The following B4GALT1 variants were observed in gnomAD, a reference collection of about 807,000 sequenced individuals.
The protein encoded by B4GALT1 is beta-1,4-galactosyltransferase 1.
A neutral mutation model predicts 34.9 loss-of-function variants in B4GALT1; 16 were observed. The ratio of observed to expected loss-of-function variants is 0.46; its 90% CI spans 0.31 to 0.70. The LOEUF (loss-of-function observed/expected upper bound fraction) is 0.70. Ranked by LOEUF, B4GALT1 falls within the 30% of genes least tolerant of loss-of-function variation. B4GALT1 has a pLI of 0.05. For synonymous variants in B4GALT1, 221 were observed against 218.1 expected (o/e 1.01, Z -0.12); for missense variants, 445 against 530.5 (o/e 0.84, Z 1.58).
chr9:33,121,112 C>T (rs949975603), intron 2 of B4GALT1, among the ~76,000 whole-genome samples: 1 of 152,206 alleles, frequency 6.6e-6, no homozygotes, highest in East Asian at 1.9e-4. Context: ...ATATGGTTGA[C>T]TGAGGTTTGA....
At chr9:33,149,931 A>G (rs1199863596) in intron 1 of B4GALT1, among the ~76,000 whole-genome samples, 1 of 152,166 alleles carries the variant, frequency 6.6e-6, no homozygotes, top group East Asian at 1.9e-4. Context: ...ACTGAATACA[A>G]CACATGGTTT....
chr9:33,141,215 G>A (rs1840344328), intron 1 of B4GALT1, among the ~76,000 whole-genome samples: 2 of 152,066 alleles, frequency 1.3e-5, no homozygotes, highest in African/African-American at 2.4e-5. Context: ...TAAAGAAGAG[G>A]TCTTTGAGGC....
chr9:33,123,880 G>A (rs547892209), intron 2 of B4GALT1, among the ~76,000 whole-genome samples: 12 of 152,276 alleles, frequency 7.9e-5, no homozygotes, highest in South Asian at 2.1e-4. Context: ...CCCTTTCAAC[G>A]TGGTGAGATG....
At chr9:33,126,787 A>G (rs1218520962) in intron 2 of B4GALT1, among the ~76,000 whole-genome samples, 1 of 152,154 alleles carries the variant, frequency 6.6e-6, no homozygotes, top group Non-Finnish European at 1.5e-5. Context: ...TTGGTCAACC[A>G]AAGACACCAC....
chr9:33,152,678 AG>A (rs1319734510), intron 1 of B4GALT1, among the ~76,000 whole-genome samples: 1 of 152,122 alleles, frequency 6.6e-6, no homozygotes, highest in Non-Finnish European at 1.5e-5. Flanking sequence ...GTTTGAAACC[AG>A]CCTGGCCAAC....
chr9:33,115,957 C>G (rs902287808), intron 4 of B4GALT1, 34 bp downstream of exon 4: 1 of 1,601,236 alleles, frequency 6.2e-7, no homozygotes, highest in African/African-American at 1.3e-5. Flanking sequence ...TGAAGGTTGA[C>G]AGAGGAGAAA....
At chr9:33,124,202 G>C (rs1281648359) in intron 2 of B4GALT1, among the ~76,000 whole-genome samples, 7 of 152,134 alleles carry the variant, frequency 4.6e-5, no homozygotes, top group Admixed American at 4.6e-4. Context: ...ACAGGCCCTG[G>C]CAAGCTCACC....
chr9:33,159,156 G>T (rs573166810), intron 1 of B4GALT1, among the ~76,000 whole-genome samples: 1 of 152,014 alleles, frequency 6.6e-6, no homozygotes, highest in Non-Finnish European at 1.5e-5. Context: ...CAAGCTGGCA[G>T]TGTCCTGCAA....
chr9:33,165,655 T>A (rs1840740131), intron 1 of B4GALT1, among the ~76,000 whole-genome samples: 1 of 152,182 alleles, frequency 6.6e-6, no homozygotes, highest in South Asian at 2.1e-4. Flanking sequence ...ATTGGCAGGA[T>A]GTCATCCTGC....
At chr9:33,133,417 G>T (rs1280137702) in intron 2 of B4GALT1, among the ~76,000 whole-genome samples, 1 of 152,166 alleles carries the variant, frequency 6.6e-6, no homozygotes, top group Non-Finnish European at 1.5e-5. Flanking sequence ...CTGGCTCCTG[G>T]TGATGGTGGC....
intron 2 of B4GALT1, among the ~76,000 whole-genome samples, chr9:33,123,099 G>A (rs562089816): frequency 3.3e-5 from 5 of 152,118 alleles, no homozygotes; most frequent in South Asian, 2.1e-4. Context: ...CCAACATGGC[G>A]AAAGCCCGTC....
At chr9:33,147,617 G>C (rs1176466445) in intron 1 of B4GALT1, among the ~76,000 whole-genome samples, 1 of 152,194 alleles carries the variant, frequency 6.6e-6, no homozygotes, top group Non-Finnish European at 1.5e-5. Context: ...ACTGAGGAGA[G>C]TCAGCAGAGT....
chr9:33,180,368 A>G, the B4GALT1 span, among the ~76,000 whole-genome samples: 1 of 152,170 alleles, frequency 6.6e-6, no homozygotes, highest in Non-Finnish European at 1.5e-5. Flanking sequence ...CATCTCCGCA[A>G]TTTCCAATAT....
chr9:33,162,462 C>A (rs1235402038), intron 1 of B4GALT1, among the ~76,000 whole-genome samples: 2 of 152,178 alleles, frequency 1.3e-5, no homozygotes, highest in African/African-American at 4.8e-5. Context: ...ACTGCTGGAA[C>A]TGAAGGAATG....
At chr9:33,141,231 A>G (rs7868663) in intron 1 of B4GALT1, among the ~76,000 whole-genome samples, 73,089 of 151,998 alleles carry the variant, frequency 0.48, 18,433 homozygotes, top group African/African-American at 0.64. Context: ...GAGGCTGGGC[A>G]TGGTGGCTCA....
At chr9:33,178,184 G>GT in the B4GALT1 span, among the ~76,000 whole-genome samples, 1 of 151,896 alleles carries the variant, frequency 6.6e-6, no homozygotes. Flanking sequence ...TAGATATGGG[G>GT]TTTTGCCATG....
At chr9:33,118,389 G>C (rs34420698) in intron 3 of B4GALT1, among the ~76,000 whole-genome samples, 50,191 of 152,060 alleles carry the variant, frequency 0.33, 8,369 homozygotes, top group Middle Eastern at 0.39. Context: ...AGCAGGTGCA[G>C]TAGTTCATGC....
At chr9:33,131,964 G>A (rs970263418) in intron 2 of B4GALT1, among the ~76,000 whole-genome samples, 2 of 152,038 alleles carry the variant, frequency 1.3e-5, no homozygotes, top group African/African-American at 4.8e-5. Context: ...TCTGGACTCT[G>A]ACCATATTTT....
intron 2 of B4GALT1, among the ~76,000 whole-genome samples, chr9:33,128,575 C>T (rs960259323): frequency 2.6e-5 from 4 of 152,168 alleles, no homozygotes; most frequent in African/African-American, 9.7e-5. Context: ...GGCCTTCCCA[C>T]TCCCATTCCC....
Sources: gnomAD v4.1 joint callset for allele counts (sites outside exome capture counted in the v4.1 genomes callset) on GRCh38, gnomAD v4.1.1 for gene constraint, MANE v1.5 for transcripts, NCBI Gene and HGNC (gene_info 2026-07-23, HGNC 2026-07-21) for gene names.